The following NAA15 variants were observed in gnomAD, a reference collection of about 807,000 sequenced individuals.
NAA15 encodes the protein N-terminal acetyltransferase.
A neutral mutation model predicts 114.0 loss-of-function variants in NAA15; 34 were observed. That is an observed-to-expected ratio of 0.30 (90% CI 0.23 to 0.40). The LOEUF (loss-of-function observed/expected upper bound fraction) is 0.40, where lower values mean the gene tolerates loss of function less well. NAA15 is among the 10% of genes least tolerant of loss of function. The pLI is 1.00. For missense variants in NAA15, 658 were observed against 1,004.5 expected (o/e 0.66, Z 4.66); for synonymous variants, 340 against 338.0 (o/e 1.01, Z -0.06).
At chr4:139,321,106 TTATTTTTTCG>T (rs1444324832) in intron 1 of NAA15, among the ~76,000 whole-genome samples, 2 of 152,144 alleles carry the variant, frequency 1.3e-5, no homozygotes, top group Non-Finnish European at 2.9e-5. Flanking sequence ...TCTGTTTTTC[TTATTTTTTCG>T]TATTTTTTCT....
rs1251985449 is a variant in NAA15, at chr4:139,390,382, G to A, written c.*2298G>A. ...GTCCAGACATCACCCCTGAAACACTGTACTGTACTATCTTGCTCTGAGTAG... is the reference window on the plus strand; with the variant it reads ...GTCCAGACATCACCCCTGAAACACTATACTGTACTATCTTGCTCTGAGTAG... On this transcript the variant is annotated 3_prime_UTR_variant, in exon 20 of 20. Transcript: ENST00000296543. 5 of 152,558 alleles carry A rather than the reference G, an allele frequency of 3.3e-5. No individual in the cohort carries two copies. The highest frequency in any genetic ancestry group is 4.8e-5 in the African/African-American group (2 of 41,418). 9.5% of individuals were successfully genotyped at this position (152,558 alleles called of 1,614,324 possible).
At chr4:139,374,618 G>T (rs764976768) in intron 15 of NAA15, among the ~76,000 whole-genome samples, 15 of 152,084 alleles carry the variant, frequency 9.9e-5, no homozygotes, top group Non-Finnish European at 1.6e-4. Flanking sequence ...CTGAAATACT[G>T]ATTTTAGACT....
intron 1 of NAA15, among the ~76,000 whole-genome samples, chr4:139,318,013 A>G (rs1382635999): frequency 1.3e-5 from 2 of 152,250 alleles, no homozygotes; most frequent in Non-Finnish European, 2.9e-5. Flanking sequence ...TGATACATTT[A>G]CAAGAGTATA....
In NAA15 at chr4:139,321,570, C is replaced by T. The variant is rs532205738; in HGVS notation, c.55-12604C>T. Among the ~76,000 whole-genome samples, 146 of 147,902 alleles carry T rather than the reference C, an allele frequency of 9.9e-4. 3 individuals carry two copies. The South Asian group carries it at 0.012, about 13-fold the overall frequency. Reference sequence around the variant, plus strand: ...CACTGCAAGCTCCGCCTCCCGGATTCATGCCATTCTCCTGCCTCAGCCTCC... The same window carrying T: ...CACTGCAAGCTCCGCCTCCCGGATTTATGCCATTCTCCTGCCTCAGCCTCC... On this transcript the variant is annotated intron_variant, in intron 1 of 19. Transcript: ENST00000296543.
intron 1 of NAA15, 27 bp downstream of exon 1, chr4:139,301,858 T>C: frequency 6.3e-7 from 1 of 1,575,888 alleles, no homozygotes. Context: ...GGGCAAGCGG[T>C]GGGGAGGATT....
At chr4:139,353,260 GGCTTGTAGCTCA>G (rs1747839182) in intron 9 of NAA15, among the ~76,000 whole-genome samples, 1 of 152,120 alleles carries the variant, frequency 6.6e-6, no homozygotes, top group Non-Finnish European at 1.5e-5. Context: ...AGTCTTAGTA[GGCTTGTAGCTCA>G]GCTTGTAGGA....
intron 1 of NAA15, among the ~76,000 whole-genome samples, chr4:139,331,617 A>ATTTT (rs34467609): frequency 7.8e-6 from 1 of 127,862 alleles, no homozygotes. Flanking sequence ...TGCCCGGCTA[A>ATTTT]TTTTTTTTTT....
chr4:139,330,779 C>G (rs987675467), intron 1 of NAA15, among the ~76,000 whole-genome samples: 13 of 152,144 alleles, frequency 8.5e-5, no homozygotes, highest in Non-Finnish European at 1.9e-4. Context: ...ACACTGTACT[C>G]CAGTCTGGGC....
chr4:139,345,341 T>A (rs1747545731), intron 6 of NAA15, among the ~76,000 whole-genome samples: 2 of 152,220 alleles, frequency 1.3e-5, no homozygotes, highest in Admixed American at 6.5e-5. Flanking sequence ...GCTGGAAAGA[T>A]GGCAAGTCTG....
intron 15 of NAA15, among the ~76,000 whole-genome samples, chr4:139,372,812 A>C (rs1748480045): frequency 6.6e-6 from 1 of 150,648 alleles, no homozygotes; most frequent in Non-Finnish European, 1.5e-5. Flanking sequence ...GTTCAGGATA[A>C]TATTCAGTCA....
chr4:139,343,906 G>T (rs1747492044), intron 5 of NAA15, among the ~76,000 whole-genome samples: 1 of 152,022 alleles, frequency 6.6e-6, no homozygotes, highest in South Asian at 2.1e-4. Flanking sequence ...TTCCTTGTAG[G>T]TTTATTATTT....
intron 5 of NAA15, 43 bp from the exon 6 acceptor site, chr4:139,344,143 A>C (rs768430636): frequency 1.5e-5 from 23 of 1,501,428 alleles, no homozygotes; most frequent in Non-Finnish European, 1.2e-5. Context: ...TCTGATATGA[A>C]AATAAAATTC....
intron 3 of NAA15, among the ~76,000 whole-genome samples, chr4:139,339,030 C>T (rs544953486): frequency 2.6e-5 from 4 of 151,918 alleles, no homozygotes; most frequent in South Asian, 2.1e-4. Context: ...AGGCTGGTCT[C>T]GAACTCGTGA....
chr4:139,360,777 A>T (rs1748108652), intron 13 of NAA15, 149 bp downstream of exon 13: 1 of 636,938 alleles, frequency 1.6e-6, no homozygotes, highest in East Asian at 3.4e-5. Flanking sequence ...TCATACTGGA[A>T]ATATAGACTG....
At chr4:139,366,476 T>C (rs904503741) in intron 14 of NAA15, among the ~76,000 whole-genome samples, 5 of 152,154 alleles carry the variant, frequency 3.3e-5, no homozygotes, top group Admixed American at 6.5e-5. Context: ...CACATTCTAA[T>C]TGGTCAGAAA....
At chr4:139,313,960 A>G (rs887347975) in intron 1 of NAA15, among the ~76,000 whole-genome samples, 5 of 151,922 alleles carry the variant, frequency 3.3e-5, no homozygotes, top group South Asian at 2.1e-4. Flanking sequence ...TTATGGGGAA[A>G]ATGAGTTTGA....
chr4:139,311,346 G>A (rs896053118), intron 1 of NAA15, among the ~76,000 whole-genome samples: 1 of 149,172 alleles, frequency 6.7e-6, no homozygotes, highest in Non-Finnish European at 1.5e-5. Context: ...TGAAGTGAGT[G>A]TGAAAATAGT....
At chr4:139,353,369 G>C (rs1747843781) in intron 9 of NAA15, among the ~76,000 whole-genome samples, 1 of 152,226 alleles carries the variant, frequency 6.6e-6, no homozygotes, top group Non-Finnish European at 1.5e-5. Context: ...ATATTAGTCT[G>C]TTGAGTCAGT....
chr4:139,330,843 T>C (rs974471944), intron 1 of NAA15, among the ~76,000 whole-genome samples: 1 of 152,098 alleles, frequency 6.6e-6, no homozygotes, highest in African/African-American at 2.4e-5. Context: ...GATGGGTATA[T>C]AGTTGGTTGT....
Sources: allele counts gnomAD v4.1 joint callset (sites outside exome capture counted in the v4.1 genomes callset), GRCh38; gene constraint gnomAD v4.1.1; transcripts MANE v1.5; gene names NCBI Gene and HGNC (gene_info 2026-07-23, HGNC 2026-07-21).